NELL1: variants seen among roughly 807,000 people sequenced by gnomAD.
NELL1 encodes neural EGFL like 1.
NELL1 carries 76 observed loss-of-function variants against 107.4 expected under a neutral mutation model. That is an observed-to-expected ratio of 0.71 (90% CI 0.59 to 0.86). The LOEUF (loss-of-function observed/expected upper bound fraction) is 0.86, where lower values mean the gene tolerates loss of function less well. Among genes scored for constraint, NELL1 ranks in the 40% least tolerant of loss-of-function variants. The pLI, the probability that NELL1 is intolerant of heterozygous loss-of-function variation, is 0.00. For synonymous variants in NELL1, 353 were observed against 341.2 expected (o/e 1.03, Z -0.38); for missense variants, 1,024 against 1,005.5 (o/e 1.02, Z -0.25).
chr11:20,960,236 G>T (rs1338659315), intron 11 of NELL1, among the ~76,000 whole-genome samples, 196 bp from the exon 12 acceptor site: 1 of 152,106 alleles, frequency 6.6e-6, no homozygotes, highest in African/African-American at 2.4e-5. Context: ...ATGGGTGGGG[G>T]AAAGCCTCTT....
At chr11:20,872,378 G>T (rs982495749) in intron 4 of NELL1, among the ~76,000 whole-genome samples, 12 of 151,910 alleles carry the variant, frequency 7.9e-5, no homozygotes, top group Non-Finnish European at 1.5e-5. Flanking sequence ...ATGATGTTTT[G>T]CCATGTTGCT....
At chr11:21,056,874 C>G (rs1853626965) in intron 12 of NELL1, among the ~76,000 whole-genome samples, 1 of 151,972 alleles carries the variant, frequency 6.6e-6, no homozygotes, top group Non-Finnish European at 1.5e-5. Flanking sequence ...TGAAATTACA[C>G]AGGGAGTAAG....
intron 13 of NELL1, among the ~76,000 whole-genome samples, chr11:21,207,116 CTTCA>C (rs752447461): frequency 2.0e-5 from 3 of 152,314 alleles, no homozygotes; most frequent in Non-Finnish European, 4.4e-5. Flanking sequence ...CAGTTAAGCT[CTTCA>C]TTAATTTTGT....
At chr11:21,114,803 G>A (rs974947737) in intron 13 of NELL1, among the ~76,000 whole-genome samples, 1 of 151,976 alleles carries the variant, frequency 6.6e-6, no homozygotes, top group African/African-American at 2.4e-5. Flanking sequence ...CATAAACATA[G>A]TGCGCTAGGA....
intron 4 of NELL1, among the ~76,000 whole-genome samples, chr11:20,848,422 G>C (rs896672484): frequency 2.0e-5 from 3 of 152,086 alleles, no homozygotes; most frequent in African/African-American, 4.8e-5. Context: ...TGAAGAATGA[G>C]GGAGTCCATT....
chr11:21,563,763 G>A lies in NELL1; in HGVS notation c.1980+3381G>A, dbSNP rs534605308. Among the ~76,000 whole-genome samples the A allele has an allele frequency of 2.6e-5, 4 of 151,986 alleles. No homozygotes were observed. The South Asian group carries it at 8.3e-4, about 32-fold the overall frequency. ...CAATCCCCCAGAGATACTGAGGGAC[G>A]ACTGAATGCTCTACTCTGGGAAGAT... is the stretch of plus-strand genomic sequence containing the variant. On this transcript the variant is annotated intron_variant, in intron 17 of 19. Transcript: ENST00000357134.
At chr11:20,874,767 C>G (rs935349439) in intron 4 of NELL1, among the ~76,000 whole-genome samples, 3 of 152,164 alleles carry the variant, frequency 2.0e-5, no homozygotes, top group African/African-American at 7.2e-5. Flanking sequence ...TTTTCTCTAT[C>G]TTGAGCTCAA....
At chr11:21,383,281 G>A (rs1851655368) in intron 15 of NELL1, among the ~76,000 whole-genome samples, 1 of 151,678 alleles carries the variant, frequency 6.6e-6, no homozygotes, top group Non-Finnish European at 1.5e-5. Context: ...GTTTTTTTGG[G>A]CTAACGTGGT....
At chr11:21,260,675 A>G (rs1471951568) in intron 14 of NELL1, 2 of 151,866 alleles carry the variant, frequency 1.3e-5, no homozygotes, top group African/African-American at 2.4e-5. Flanking sequence ...GCAGATAGAG[A>G]GTCTTCATCC....
chr11:21,448,772 C>A (rs1024800187), intron 15 of NELL1, among the ~76,000 whole-genome samples: 5 of 152,290 alleles, frequency 3.3e-5, no homozygotes, highest in East Asian at 1.9e-4. Context: ...TCCTTTTTCT[C>A]ACTACACTAT....
chr11:21,016,078 C>T (rs1852558079), intron 12 of NELL1, among the ~76,000 whole-genome samples: 1 of 152,104 alleles, frequency 6.6e-6, no homozygotes, highest in South Asian at 2.1e-4. Context: ...TGGTGCTTAT[C>T]GGCATTATTG....
At chr11:20,931,728 G>A (rs1284108361) in intron 9 of NELL1, among the ~76,000 whole-genome samples, 1 of 152,096 alleles carries the variant, frequency 6.6e-6, no homozygotes, top group South Asian at 2.1e-4. Context: ...AGGGATATAA[G>A]TGAAACTACT....
At chr11:20,673,681 G>A (rs1362238211) in intron 1 of NELL1, among the ~76,000 whole-genome samples, 1 of 152,134 alleles carries the variant, frequency 6.6e-6, no homozygotes, top group Admixed American at 6.5e-5. Context: ...TGCCTTCCAG[G>A]TTTTTAAAAT....
chr11:20,975,802 GATATACATATTATATATGTATTATA>G (rs1851603219), intron 12 of NELL1, among the ~76,000 whole-genome samples: 1 of 115,316 alleles, frequency 8.7e-6, no homozygotes, highest in Non-Finnish European at 1.7e-5. Context: ...TGTATTATAT[GATATACATATTATATATGTATTATA>G]TATGTACATA....
chr11:21,104,102 T>C (rs1264452162), intron 12 of NELL1, among the ~76,000 whole-genome samples: 1 of 152,212 alleles, frequency 6.6e-6, no homozygotes. Flanking sequence ...ATAAGCCCAA[T>C]GGACTGAAAA....
intron 14 of NELL1, among the ~76,000 whole-genome samples, chr11:21,314,327 T>G (rs76797531): frequency 0.024 from 3,627 of 152,222 alleles, 147 homozygotes; most frequent in African/African-American, 0.084. Flanking sequence ...GACAAATATT[T>G]AAACCATAGC....
At chr11:21,062,679 G>A (rs564010110) in intron 12 of NELL1, among the ~76,000 whole-genome samples, 1 of 152,252 alleles carries the variant, frequency 6.6e-6, no homozygotes, top group Admixed American at 6.5e-5. Flanking sequence ...CGGCAAGACT[G>A]CCCTCCTTTC....
At chr11:21,476,387 T>A (rs1478461696) in intron 15 of NELL1, among the ~76,000 whole-genome samples, 2 of 152,178 alleles carry the variant, frequency 1.3e-5, no homozygotes, top group Non-Finnish European at 2.9e-5. Context: ...AATCTGTGCC[T>A]GTCCTTTCAT....
chr11:20,765,395 G>A (rs1359477457), intron 2 of NELL1, among the ~76,000 whole-genome samples: 1 of 152,108 alleles, frequency 6.6e-6, no homozygotes, highest in Non-Finnish European at 1.5e-5. Context: ...TGTGCTATGT[G>A]TGGCACCAGA....
Sources: allele counts gnomAD v4.1 joint callset (sites outside exome capture counted in the v4.1 genomes callset), GRCh38; gene constraint gnomAD v4.1.1; transcripts MANE v1.5; gene names NCBI Gene and HGNC (gene_info 2026-07-23, HGNC 2026-07-21).